ARHGAP39: variants seen among roughly 807,000 people sequenced by gnomAD.
ARHGAP39 encodes the protein rho GTPase-activating protein 39.
A neutral mutation model predicts 106.9 loss-of-function variants in ARHGAP39; 44 were observed. The ratio of observed to expected loss-of-function variants is 0.41; its 90% CI spans 0.32 to 0.53. ARHGAP39 has a LOEUF of 0.53. ARHGAP39 is among the 20% of genes least tolerant of loss of function. The pLI is 0.21. For missense variants in ARHGAP39, 1,496 were observed against 1,577.3 expected (o/e 0.95, Z 0.87); for synonymous variants, 768 against 693.2 (o/e 1.11, Z -1.69).
intron 1 of ARHGAP39, among the ~76,000 whole-genome samples, chr8:144,677,008 T>C (rs1454328594): frequency 6.6e-6 from 1 of 152,258 alleles, no homozygotes. Flanking sequence ...GACCTCATGA[T>C]CCGCCCGCCT....
At chr8:144,643,964 T>C (rs762343511) in intron 1 of ARHGAP39, among the ~76,000 whole-genome samples, 5 of 152,168 alleles carry the variant, frequency 3.3e-5, no homozygotes, top group Non-Finnish European at 7.4e-5. Flanking sequence ...TTGGCAAGAA[T>C]GTGGAGAAAC....
Position 144,541,130 on chromosome 8 carries a change from C to G in ARHGAP39, c.2522-3317G>C, listed in dbSNP as rs533803375. 3.3e-5 allele frequency among the ~76,000 whole-genome samples: 5 copies of G among 152,334 alleles called. No individual in the cohort carries two copies. In the East Asian group the frequency reaches 9.7e-4, roughly 29 times the overall value. On this transcript the variant is annotated intron_variant, in intron 6 of 11. Coordinates refer to ENST00000377307, the MANE Select transcript of ARHGAP39 (RefSeq NM_025251.3). ...CCTCCCAAAGTGCTGGGATGACAGG[C>G]GTGAGCCACCGCGCCTGGACTCCTT...
upstream of ARHGAP39, among the ~76,000 whole-genome samples, chr8:144,688,649 GA>G (rs1362489905): frequency 6.6e-6 from 1 of 152,176 alleles, no homozygotes; most frequent in Non-Finnish European, 1.5e-5. Context: ...TTGAGCCTGG[GA>G]AGGTCGAGGC....
In ARHGAP39 at chr8:144,645,331, T is replaced by A. The variant is rs1821414890; in HGVS notation, c.-81-39636A>T. Among the ~76,000 whole-genome samples the A allele has an allele frequency of 6.6e-6, 1 of 152,250 alleles. No individual in the cohort carries two copies. On this transcript the variant is annotated intron_variant, in intron 1 of 11. Coordinates refer to ENST00000377307, the MANE Select transcript of ARHGAP39 (RefSeq NM_025251.3). The surrounding 1 kb of genome is among the most constrained non-coding windows in gnomAD (Gnocchi z 4.4). ...TTGGCCATGAGGTCAGATGCCCAGC[T>A]GGGAACCAGCCCTGGGACACCACGC...
chr8:144,530,773 C>T lies in ARHGAP39; in HGVS notation c.3079G>A (p.Ala1027Thr). The T allele has an allele frequency of 6.2e-7, 1 of 1,611,360 alleles. No individual in the cohort carries two copies. Among genetic ancestry groups the T allele is most frequent in the Non-Finnish European group, 8.5e-7 (1 of 1,179,374 alleles). Reference sequence around the variant, plus strand: ...GGCAGCGCGTGCACCACGGCCACCGCCGCCTCGGGGCTGTCGTAGTGCGCG... The same window carrying T: ...GGCAGCGCGTGCACCACGGCCACCGTCGCCTCGGGGCTGTCGTAGTGCGCG... ...CIAHYDSPEA[A>T]VAVVHALPRI... is the part of the protein sequence containing the mutation. The change falls in exon 11 of 12, where the codon GCG becomes ACG. Residue 1027 changes from alanine (A) to threonine (T), a missense_variant. Transcript: ENST00000377307.
intron 4 of ARHGAP39, among the ~76,000 whole-genome samples, chr8:144,554,598 G>T (rs1817845130): frequency 6.6e-6 from 1 of 152,184 alleles, no homozygotes; most frequent in African/African-American, 2.4e-5. Flanking sequence ...GGTGACCAGA[G>T]CCAGGACCTG....
intron 10 of ARHGAP39, 85 bp from the exon 11 acceptor site, chr8:144,530,956 G>A: frequency 1.4e-6 from 2 of 1,464,200 alleles, no homozygotes; most frequent in African/African-American, 1.4e-5. Context: ...ATGCATGGAG[G>A]GGTGCTGTGG....
intron 4 of ARHGAP39, among the ~76,000 whole-genome samples, chr8:144,554,079 C>A (rs1240970048): frequency 6.6e-6 from 1 of 152,262 alleles, no homozygotes; most frequent in Non-Finnish European, 1.5e-5. Flanking sequence ...AGGTGCCAGC[C>A]TCTGAGAGGG....
intron 9 of ARHGAP39, among the ~76,000 whole-genome samples, chr8:144,532,777 C>T (rs1816781623): frequency 6.6e-6 from 1 of 152,220 alleles, no homozygotes; most frequent in Non-Finnish European, 1.5e-5. Flanking sequence ...GGGTGGCACC[C>T]TGTGCCATCC....
intron 1 of ARHGAP39, among the ~76,000 whole-genome samples, chr8:144,613,884 A>G (rs1338000587): frequency 6.6e-6 from 1 of 152,182 alleles, no homozygotes; most frequent in Non-Finnish European, 1.5e-5. Context: ...AGGGACTCCA[A>G]TCACATAATT....
intron 6 of ARHGAP39, among the ~76,000 whole-genome samples, chr8:144,541,097 G>A (rs2127530): frequency 0.026 from 3,984 of 152,230 alleles, 166 homozygotes; most frequent in African/African-American, 0.089. Context: ...GTGATCCACC[G>A]GCCTCCGCCT....
chr8:144,681,734 C>T (rs890975337), intron 1 of ARHGAP39, among the ~76,000 whole-genome samples: 1 of 152,158 alleles, frequency 6.6e-6, no homozygotes, highest in Non-Finnish European at 1.5e-5. Context: ...CTATCTTAGG[C>T]TATTTGTGTT....
At chr8:144,582,290 G>A (rs975187879) in intron 2 of ARHGAP39, among the ~76,000 whole-genome samples, 2 of 152,120 alleles carry the variant, frequency 1.3e-5, no homozygotes, top group Non-Finnish European at 2.9e-5. Flanking sequence ...TTCATCCCAC[G>A]TCCCACCCTT....
chr8:144,620,905 G>A (rs537997434), intron 1 of ARHGAP39, among the ~76,000 whole-genome samples: 3 of 152,386 alleles, frequency 2.0e-5, no homozygotes, highest in African/African-American at 7.2e-5. Flanking sequence ...TCGAGGTGAA[G>A]GTGCCGGGAA....
chr8:144,650,316 C>T (rs1019476208), intron 1 of ARHGAP39, among the ~76,000 whole-genome samples: 2 of 151,968 alleles, frequency 1.3e-5, no homozygotes, highest in Admixed American at 6.6e-5. Context: ...AAATTCTACC[C>T]GATGTACAAA....
intron 2 of ARHGAP39, among the ~76,000 whole-genome samples, chr8:144,600,221 TG>T (rs1053662733): frequency 1.7e-5 from 2 of 118,876 alleles, no homozygotes; most frequent in South Asian, 5.8e-4. Flanking sequence ...GTGGGGGGCA[TG>T]TGTGCAAGCT....
At chr8:144,659,425 C>T (rs1281778252) in intron 1 of ARHGAP39, among the ~76,000 whole-genome samples, 3 of 152,214 alleles carry the variant, frequency 2.0e-5, no homozygotes, top group Admixed American at 2.0e-4. Context: ...CTACAAAAAA[C>T]TAAAGTTTCA....
intron 1 of ARHGAP39, among the ~76,000 whole-genome samples, chr8:144,673,469 T>C (rs1181047607): frequency 6.6e-6 from 1 of 152,250 alleles, no homozygotes; most frequent in Non-Finnish European, 1.5e-5. Flanking sequence ...TTCACAGATA[T>C]GTGCAACCTT....
chr8:144,642,867 A>G (rs1436121962), intron 1 of ARHGAP39, among the ~76,000 whole-genome samples: 4 of 152,018 alleles, frequency 2.6e-5, no homozygotes, highest in African/African-American at 4.8e-5. Flanking sequence ...AGACTAATAC[A>G]TCAGGTGTGA....
Sources: gnomAD v4.1 joint callset for allele counts (sites outside exome capture counted in the v4.1 genomes callset) on GRCh38, gnomAD v4.1.1 for gene constraint, Gnocchi (gnomAD v3.1) non-coding constraint, MANE v1.5 for transcripts, NCBI Gene and HGNC (gene_info 2026-07-23, HGNC 2026-07-21) for gene names.